Variants in ASPH observed in about 807,000 individuals in gnomAD.
The protein encoded by ASPH is aspartate beta-hydroxylase.
Under a neutral mutation model 118.4 loss-of-function variants are expected in ASPH, and 100 were observed. The ratio of observed to expected loss-of-function variants is 0.84; its 90% CI spans 0.72 to 1.00. The LOEUF (loss-of-function observed/expected upper bound fraction) is 1.00. Among genes scored for constraint, ASPH ranks in the 50% least tolerant of loss-of-function variants. ASPH has a pLI of 0.00. For missense variants in ASPH, 920 were observed against 919.5 expected, an observed-to-expected ratio of 1.00 and a Z score of -0.01; for synonymous variants, 315 against 325.6, an observed-to-expected ratio of 0.97 and a Z score of 0.35.
chr8:61,518,487 A>G lies in ASPH; in HGVS notation c.1901-364T>C, dbSNP rs376627391. On this transcript the variant is annotated intron_variant, in intron 22 of 24. Transcript: ENST00000379454. ...ATGCATGTTAAGTTTTGACTCCCCA[A>G]AAACTTAACAACTAATAGCCTACTG... Among the ~76,000 whole-genome samples the G allele has an allele frequency of 6.6e-5, 10 of 152,310 alleles. No individual in the cohort carries two copies. The South Asian group carries it at 2.1e-3, about 32-fold the overall frequency.
intron 3 of ASPH, among the ~76,000 whole-genome samples, chr8:61,673,559 C>G (rs1823689036): frequency 6.6e-6 from 1 of 152,112 alleles, no homozygotes; most frequent in Admixed American, 6.6e-5. Context: ...TACAGTATAA[C>G]TTAAAATTCC....
At chr8:61,521,897 T>C (rs1813183839) in intron 22 of ASPH, among the ~76,000 whole-genome samples, 1 of 152,144 alleles carries the variant, frequency 6.6e-6, no homozygotes, top group Non-Finnish European at 1.5e-5. Flanking sequence ...CAACAACAGG[T>C]TCCATCTTGC....
At chr8:61,681,751 T>C (rs1257684321) in intron 2 of ASPH, among the ~76,000 whole-genome samples, 1 of 151,854 alleles carries the variant, frequency 6.6e-6, no homozygotes, top group Non-Finnish European at 1.5e-5. Context: ...GAGAAGACAA[T>C]ACTACCAAAA....
intron 14 of ASPH, among the ~76,000 whole-genome samples, chr8:61,595,583 A>G (rs6998561): frequency 0.98 from 149,624 of 152,338 alleles, 73,489 homozygotes; most frequent in Middle Eastern, 1. Flanking sequence ...TCTATGAAAC[A>G]ATGGCTTGTG....
Position 61,597,757 on chromosome 8 carries a change from G to T in ASPH, c.977-13728C>A, listed in dbSNP as rs114258642. Among the ~76,000 whole-genome samples the T allele has an allele frequency of 8.7e-3, 1,325 of 152,222 alleles. 26 individuals carry two copies. The highest frequency in any genetic ancestry group is 0.03 in the African/African-American group (1,238 of 41,538). ...TCAAAGAGCTGAAAGAAAAAAAATT[G>T]CCAGCTAAGATACCAGATCCAGCAA... On this transcript the variant is annotated intron_variant, in intron 14 of 24. Transcript: ENST00000379454.
chr8:61,691,277 T>C (rs992451504), intron 1 of ASPH, among the ~76,000 whole-genome samples: 3 of 152,148 alleles, frequency 2.0e-5, no homozygotes, highest in South Asian at 2.1e-4. Flanking sequence ...GTTGGTACCA[T>C]AGTCTGCAAC....
At chr8:61,505,355 C>T (rs1563617221) in intron 24 of ASPH, among the ~76,000 whole-genome samples, 1 of 151,960 alleles carries the variant, frequency 6.6e-6, no homozygotes, top group Non-Finnish European at 1.5e-5. Context: ...ATTAGCCAGG[C>T]GTGGTAGCGC....
intron 13 of ASPH, chr8:61,626,266 T>A: frequency 1.9e-6 from 3 of 1,565,436 alleles, no homozygotes; most frequent in Non-Finnish European, 2.6e-6. Flanking sequence ...GCAGTCTTTT[T>A]GAAGCTTTAA....
chr8:61,578,439 A>C, intron 15 of ASPH: 1 of 1,602,058 alleles, frequency 6.2e-7, no homozygotes, highest in South Asian at 1.1e-5. Context: ...GAGCCTACTG[A>C]GCCCCCTTGT....
At chr8:61,625,908 C>A in intron 13 of ASPH, 1 of 1,041,176 alleles carries the variant, frequency 9.6e-7, no homozygotes, top group Non-Finnish European at 1.2e-6. Flanking sequence ...GAAAACCCTG[C>A]CAACACAATT....
At chr8:61,626,597 A>G (rs1852930783) in intron 13 of ASPH, among the ~76,000 whole-genome samples, 1 of 152,044 alleles carries the variant, frequency 6.6e-6, no homozygotes, top group Admixed American at 6.6e-5. Flanking sequence ...TTAAAAAGAA[A>G]CAGAAATCTA....
At chr8:61,579,196 G>A in intron 15 of ASPH, 1 of 1,613,050 alleles carries the variant, frequency 6.2e-7, no homozygotes, top group Non-Finnish European at 8.5e-7. Context: ...GGCCTCAAAG[G>A]CCAGAGGGCT....
chr8:61,508,569 A>G (rs1207063336), intron 24 of ASPH, among the ~76,000 whole-genome samples: 1 of 152,214 alleles, frequency 6.6e-6, no homozygotes, highest in African/African-American at 2.4e-5. Flanking sequence ...TTCTACCTAC[A>G]AATTTTATAG....
intron 3 of ASPH, among the ~76,000 whole-genome samples, chr8:61,668,662 C>T (rs1820896734): frequency 6.6e-6 from 1 of 152,164 alleles, no homozygotes; most frequent in Non-Finnish European, 1.5e-5. Context: ...CTTCACTACT[C>T]AATCACACTT....
intron 13 of ASPH, among the ~76,000 whole-genome samples, chr8:61,629,948 T>C (rs141135364): frequency 3.3e-5 from 5 of 152,312 alleles, no homozygotes; most frequent in African/African-American, 1.2e-4. Flanking sequence ...TGCCTCAGTG[T>C]TCTCATCTGT....
chr8:61,615,779 G>T lies in ASPH; in HGVS notation c.976+3199C>A, dbSNP rs867831864. On this transcript the variant is annotated intron_variant, in intron 14 of 24. Coordinates refer to ENST00000379454, the MANE Select transcript of ASPH (RefSeq NM_004318.4). Reference sequence around the variant, plus strand: ...ACTCAAGTAACAGATGTCTGCAAATGAGGGCCTATTTTGCCTTAAAAAAAT... The same window carrying T: ...ACTCAAGTAACAGATGTCTGCAAATTAGGGCCTATTTTGCCTTAAAAAAAT... 9.2e-5 allele frequency among the ~76,000 whole-genome samples: 14 copies of T among 152,292 alleles called. No homozygotes were observed. The South Asian group carries it at 2.7e-3, about 29-fold the overall frequency.
At chr8:61,646,085 T>G (rs1807802199) in intron 6 of ASPH, among the ~76,000 whole-genome samples, 1 of 152,104 alleles carries the variant, frequency 6.6e-6, no homozygotes, top group South Asian at 2.1e-4. Flanking sequence ...CTTGAGAGGC[T>G]GAGGTGAGAG....
intron 3 of ASPH, chr8:61,665,622 A>T: frequency 6.5e-7 from 1 of 1,547,110 alleles, no homozygotes; most frequent in Non-Finnish European, 8.6e-7. Flanking sequence ...AGATTTTCCA[A>T]TTAAAGGAAA....
At chr8:61,577,385 GATGCCCAATCTCGCAAAAAA>G (rs1326595908) in intron 15 of ASPH, among the ~76,000 whole-genome samples, 1 of 83,110 alleles carries the variant, frequency 1.2e-5, no homozygotes, top group Non-Finnish European at 2.2e-5. Flanking sequence ...AAATGGCAAG[GATGCCCAATCTCGCAAAAAA>G]AAAAAAAAAA....
Sources: gnomAD v4.1 joint callset for allele counts (sites outside exome capture counted in the v4.1 genomes callset) on GRCh38, gnomAD v4.1.1 for gene constraint, MANE v1.5 for transcripts, NCBI Gene and HGNC (gene_info 2026-07-23, HGNC 2026-07-21) for gene names.